Variants in ARFGEF3 observed in about 807,000 individuals in gnomAD.
ARFGEF3 encodes the protein ARFGEF family member 3, also known as brefeldin A-inhibited guanine nucleotide-exchange protein 3.
In ARFGEF3, 96 loss-of-function variants were observed where a neutral mutation model predicts 221.7. That is an observed-to-expected ratio of 0.43 (90% CI 0.37 to 0.51). The LOEUF (loss-of-function observed/expected upper bound fraction) is 0.51. ARFGEF3 is among the 20% of genes least tolerant of loss of function. The pLI is 0.00. For synonymous variants in ARFGEF3, 1,145 were observed against 1,126.8 expected, an observed-to-expected ratio of 1.02 and a Z score of -0.32; for missense variants, 2,410 against 2,789.9, an observed-to-expected ratio of 0.86 and a Z score of 3.07.
chr6:138,167,667 T>G lies in ARFGEF3; in HGVS notation c.86-2995T>G, dbSNP rs371112130. On this transcript the variant is annotated intron_variant, in intron 1 of 33. Transcript: ENST00000251691. ...TAAATATATGTCAAGCCTGTTCACT[T>G]CTTTCTACCTCTGTTGCCAGCTCTC... Among the ~76,000 whole-genome samples the G allele has an allele frequency of 4.1e-4, 63 of 152,332 alleles. No individual in the cohort carries two copies. The South Asian group carries it at 0.011, about 28-fold the overall frequency.
At chr6:138,178,887 A>G (rs1338014688) in intron 2 of ARFGEF3, among the ~76,000 whole-genome samples, 2 of 152,202 alleles carry the variant, frequency 1.3e-5, no homozygotes, top group Non-Finnish European at 2.9e-5. Flanking sequence ...CATTGACCTC[A>G]GCTAGTGTAG....
At position 138,320,243 on chromosome 6, in the gene ARFGEF3, G is replaced by A. The variant is rs11154969; in HGVS notation, c.4651+364G>A. Among the ~76,000 whole-genome samples, 650 of 152,326 alleles carry A rather than the reference G, an allele frequency of 4.3e-3. 3 individuals are homozygous for A. The highest frequency in any genetic ancestry group is 0.015 in the African/African-American group (617 of 41,572). The stretch of plus-strand genomic sequence containing the variant: ...TCCCCGTAGCCTGTGGGGGGGTAGC[G>A]GGTATAGCCTGTCACCCTGCTTCAT... On this transcript the variant is annotated intron_variant, in intron 28 of 33. Coordinates refer to ENST00000251691, the MANE Select transcript of ARFGEF3 (RefSeq NM_020340.5).
chr6:138,321,301 G>C lies in ARFGEF3; in HGVS notation c.4766+76G>C. ...AATCTAAAGAAATTAAATTGTCTTT[G>C]TGGTAGGAATCGACTTTTTGGATTG... On this transcript the variant is annotated intron_variant, in intron 29 of 33. Coordinates refer to ENST00000251691, the MANE Select transcript of ARFGEF3 (RefSeq NM_020340.5). 6 of 872,390 alleles carry C rather than the reference G, an allele frequency of 6.9e-6. No individual in the cohort carries two copies. In the South Asian group the frequency reaches 1.0e-4, roughly 15 times the overall value. 54.0% of individuals were successfully genotyped at this position (872,390 alleles called of 1,614,324 possible). A position where few individuals can be genotyped will look rare whatever the true frequency, so the allele number is the denominator to read the frequency against.
rs539023438 is a variant in ARFGEF3 at position 138,263,753 on chromosome 6, G to A, written c.2128+142G>A. 334 of 781,194 alleles carry A rather than the reference G, an allele frequency of 4.3e-4. 4 individuals are homozygous for A. In the South Asian group the frequency reaches 4.7e-3, roughly 11 times the overall value. The allele number at this position is 781,194 out of a possible 1,614,324, so 48.4% of individuals were successfully genotyped here. ...TGGGTTTCCCCAGTTTAAAGAGGGC[G>A]AAGAAATCTAAGACCTATTAGTGGT... is the stretch of plus-strand genomic sequence containing the variant. On this transcript the variant is annotated intron_variant, in intron 12 of 33. Coordinates refer to ENST00000251691, the MANE Select transcript of ARFGEF3 (RefSeq NM_020340.5).
At chr6:138,266,514 C>G (rs962969813) in intron 12 of ARFGEF3, among the ~76,000 whole-genome samples, 3 of 152,076 alleles carry the variant, frequency 2.0e-5, no homozygotes, top group Non-Finnish European at 2.9e-5. Flanking sequence ...GCTAGGATTA[C>G]AGGCATGAGC....
intron 31 of ARFGEF3, among the ~76,000 whole-genome samples, chr6:138,324,465 G>C (rs1780093634): frequency 6.6e-6 from 1 of 152,156 alleles, no homozygotes; most frequent in Non-Finnish European, 1.5e-5. Context: ...TTGCTTAACT[G>C]TTATTGTTAC....
At position 138,311,449 on chromosome 6, in the gene ARFGEF3, C is replaced by A; in HGVS notation, c.4139C>A (p.Pro1380His). 1 of 1,608,782 alleles carries A rather than the reference C, an allele frequency of 6.2e-7. No homozygotes were observed. The highest frequency in any genetic ancestry group is 1.7e-5 in the Admixed American group (1 of 59,468). Residue 1380 changes from proline to histidine, a missense_variant, in exon 25 of 34, where the codon CCC (proline) becomes CAC (histidine). By Grantham distance (77) the Pro-to-His change is moderately conservative. This residue lies in a region of ARFGEF3 where 723 missense variants were observed against 991.9 expected (regional missense o/e 0.73). Coordinates refer to ENST00000251691, the MANE Select transcript of ARFGEF3 (RefSeq NM_020340.5). ...CKEIGDCAPA[P>H]GAPSTDLCLP... Reference sequence around the variant, plus strand: ...GAGATTGGAGACTGTGCCCCAGCACCCGGAGCCCCGTCCACAGACCTGTGC... The same window carrying A: ...GAGATTGGAGACTGTGCCCCAGCACACGGAGCCCCGTCCACAGACCTGTGC...
At chr6:138,272,152 T>C in intron 12 of ARFGEF3, among the ~76,000 whole-genome samples, 1 of 151,606 alleles carries the variant, frequency 6.6e-6, no homozygotes, top group East Asian at 1.9e-4. Flanking sequence ...CATTTATTTA[T>C]TTATTTATTT....
chr6:138,197,348 G>C (rs143890756), intron 2 of ARFGEF3, among the ~76,000 whole-genome samples: 195 of 152,292 alleles, frequency 1.3e-3, no homozygotes, highest in African/African-American at 4.4e-3. Flanking sequence ...TGAAGGACCT[G>C]CCTGAGGCTG....
chr6:138,277,546 T>C (rs1009883058), intron 12 of ARFGEF3, among the ~76,000 whole-genome samples: 2 of 152,260 alleles, frequency 1.3e-5, no homozygotes, highest in Admixed American at 1.3e-4. Context: ...ATTATTCCTT[T>C]TGAAAAGTTG....
At chr6:138,170,620 T>C in intron 1 of ARFGEF3, 42 bp from the exon 2 acceptor site, 1 of 1,053,936 alleles carries the variant, frequency 9.5e-7, no homozygotes, top group Non-Finnish European at 1.5e-6. Flanking sequence ...ATATTCTCAG[T>C]GTTTAAATAT....
At chr6:138,307,931 C>A (rs9402968) in intron 23 of ARFGEF3, among the ~76,000 whole-genome samples, 1,801 of 152,078 alleles carry the variant, frequency 0.012, 17 homozygotes, top group African/African-American at 0.028. Flanking sequence ...GTTTTAGCAA[C>A]GTAGGAAGGA....
intron 31 of ARFGEF3, among the ~76,000 whole-genome samples, chr6:138,326,811 G>C (rs966504819): frequency 6.6e-6 from 1 of 152,156 alleles, no homozygotes; most frequent in Non-Finnish European, 1.5e-5. Context: ...ACATGCACAT[G>C]TATGTTCACT....
At chr6:138,332,295 C>T (rs957636595) in intron 32 of ARFGEF3, among the ~76,000 whole-genome samples, 2 of 109,778 alleles carry the variant, frequency 1.8e-5, no homozygotes, top group African/African-American at 6.9e-5. Flanking sequence ...TGCTTTCTTT[C>T]TTCCACTTGG....
rs1000965511 is a variant in ARFGEF3, at chr6:138,342,394, G to A, written c.*5908G>A. 3 of 152,062 alleles carry A rather than the reference G, an allele frequency of 2.0e-5. No individual in the cohort carries two copies. Among genetic ancestry groups the A allele is most frequent in the African/African-American group, 4.8e-5 (2 of 41,400 alleles). 9.4% of individuals were successfully genotyped at this position (152,062 alleles called of 1,614,324 possible). ...TAGAGAAAAACTGAATCTACCCTTG[G>A]GCAGATGACTTGGGATTGGATTCTA... On this transcript the variant is annotated 3_prime_UTR_variant, in exon 34 of 34. Coordinates refer to ENST00000251691, the MANE Select transcript of ARFGEF3 (RefSeq NM_020340.5).
At chr6:138,234,939 A>G (rs1158929965) in intron 5 of ARFGEF3, among the ~76,000 whole-genome samples, 1 of 152,192 alleles carries the variant, frequency 6.6e-6, no homozygotes, top group African/African-American at 2.4e-5. Context: ...GGTCATATGT[A>G]TTTTATAAAA....
rs1165443846 is a variant in ARFGEF3 at position 138,336,282 on chromosome 6, T to C, written c.6343-13T>C. 6 of 1,496,032 alleles carry C rather than the reference T, an allele frequency of 4.0e-6. No individual in the cohort carries two copies. The highest frequency in any genetic ancestry group is 5.4e-6 in the Non-Finnish European group (6 of 1,115,542). 92.7% of individuals were successfully genotyped at this position (1,496,032 alleles called of 1,614,324 possible). A position where few individuals can be genotyped will look rare whatever the true frequency, so the allele number is the denominator to read the frequency against. On this transcript the variant is annotated splice_polypyrimidine_tract_variant and intron_variant, in intron 33 of 33. Coordinates refer to ENST00000251691, the MANE Select transcript of ARFGEF3 (RefSeq NM_020340.5). ...GGGGAAAGCCACTGATTTTCTTAAA[T>C]CTTTTCTCTTAGGCATGGACCAACA...
intron 2 of ARFGEF3, among the ~76,000 whole-genome samples, chr6:138,202,341 C>T (rs541889391): frequency 6.6e-6 from 1 of 152,022 alleles, no homozygotes; most frequent in East Asian, 1.9e-4. Context: ...AATTAACAGG[C>T]CTGTTTTCTC....
At chr6:138,218,478 ATATATT>A (rs1777918367) in intron 4 of ARFGEF3, 1 of 1,456,678 alleles carries the variant, frequency 6.9e-7, no homozygotes, top group East Asian at 2.5e-5. Flanking sequence ...AGCCACCTCG[ATATATT>A]TAAGGTCCTA....
Sources: gnomAD v4.1 joint callset for allele counts (sites outside exome capture counted in the v4.1 genomes callset) on GRCh38, gnomAD v4.1.1 for gene constraint, gnomAD v4.1.1 regional missense constraint, MANE v1.5 for transcripts, NCBI Gene and HGNC (gene_info 2026-07-23, HGNC 2026-07-21) for gene names.